The following CHRM5 variants were observed in gnomAD, a reference collection of about 807,000 sequenced individuals.
CHRM5 encodes the protein muscarinic acetylcholine receptor M5.
CHRM5 carries 18 observed loss-of-function variants against 39.0 expected under a neutral mutation model. That is an observed-to-expected ratio of 0.46 (90% CI 0.32 to 0.68). The LOEUF (loss-of-function observed/expected upper bound fraction) is 0.68. Ranked by LOEUF, CHRM5 falls within the 30% of genes least tolerant of loss-of-function variation. The probability of loss-of-function intolerance (pLI) is 0.04; values close to 1 mark genes in which losing one functional copy is unlikely to be tolerated. For synonymous variants in CHRM5, 241 were observed against 246.3 expected (o/e 0.98, Z 0.20); for missense variants, 515 against 651.1 (o/e 0.79, Z 2.28).
chr15:34,024,123 G>A (rs547377091), intron 1 of CHRM5, among the ~76,000 whole-genome samples: 2 of 151,336 alleles, frequency 1.3e-5, no homozygotes, highest in Admixed American at 6.6e-5. Context: ...AATATCTACT[G>A]AGAGCTGATA....
chr15:34,018,577 T>C (rs144972930), intron 1 of CHRM5: 4,450 of 152,442 alleles, frequency 0.029, 174 homozygotes, highest in African/African-American at 0.081. Context: ...TGGTGAGTGT[T>C]ACAGCTCATA....
At chr15:33,980,155 G>C (rs747749166) in intron 1 of CHRM5, among the ~76,000 whole-genome samples, 1 of 152,146 alleles carries the variant, frequency 6.6e-6, no homozygotes, top group African/African-American at 2.4e-5. Flanking sequence ...TAGGTACAAG[G>C]AACCTAAACA....
rs181145310 is a variant in CHRM5 at position 34,054,454 on chromosome 15, T to C, written c.-76+7583T>C. Reference sequence around the variant, plus strand: ...AAATGCCCATCAACAATAGACTGGATAAAAAATGTGGTACAGATACACCAT... The same window carrying C: ...AAATGCCCATCAACAATAGACTGGACAAAAAATGTGGTACAGATACACCAT... On this transcript the variant is annotated intron_variant, in intron 2 of 2. Transcript: ENST00000383263. Among the ~76,000 whole-genome samples the C allele has an allele frequency of 3.4e-3, 521 of 152,056 alleles. 4 individuals are homozygous for C. The highest frequency in any genetic ancestry group is 0.012 in the African/African-American group (485 of 41,468).
chr15:33,973,328 T>C (rs895998297), intron 1 of CHRM5, among the ~76,000 whole-genome samples: 1 of 152,230 alleles, frequency 6.6e-6, no homozygotes, highest in African/African-American at 2.4e-5. Flanking sequence ...TACAGTAACC[T>C]AGAAAGCTGT....
At chr15:34,024,977 T>C (rs1173430354) in intron 1 of CHRM5, among the ~76,000 whole-genome samples, 2 of 151,818 alleles carry the variant, frequency 1.3e-5, no homozygotes, top group Non-Finnish European at 2.9e-5. Context: ...GAGGTCAGGA[T>C]TTTGAGACCA....
At chr15:34,060,296 T>C (rs1597394150) in intron 2 of CHRM5, among the ~76,000 whole-genome samples, 1 of 152,190 alleles carries the variant, frequency 6.6e-6, no homozygotes, top group East Asian at 1.9e-4. Context: ...TTAGACTGCA[T>C]GTGTTTGGGA....
chr15:33,987,242 T>C (rs1434544501), intron 1 of CHRM5, among the ~76,000 whole-genome samples: 2 of 152,254 alleles, frequency 1.3e-5, no homozygotes, highest in African/African-American at 4.8e-5. Context: ...ATCCCATATG[T>C]GCTTTATTCT....
intron 1 of CHRM5, among the ~76,000 whole-genome samples, chr15:34,005,046 C>A (rs1035594552): frequency 6.6e-6 from 1 of 151,964 alleles, no homozygotes; most frequent in Non-Finnish European, 1.5e-5. Flanking sequence ...AAAAGACAAG[C>A]AAAACTAAAA....
At chr15:33,998,694 ATTC>A (rs1454986110) in intron 1 of CHRM5, among the ~76,000 whole-genome samples, 1 of 152,166 alleles carries the variant, frequency 6.6e-6, no homozygotes, top group Non-Finnish European at 1.5e-5. Flanking sequence ...TTAACAGTCA[ATTC>A]TTCATTGTCA....
chr15:34,031,709 G>A (rs151336717), intron 1 of CHRM5, among the ~76,000 whole-genome samples: 23 of 152,176 alleles, frequency 1.5e-4, no homozygotes, highest in Middle Eastern at 3.4e-3. Flanking sequence ...CAGCATCCTT[G>A]GCAGTGTTGT....
At chr15:34,047,268 G>A (rs1457612912) in intron 2 of CHRM5, among the ~76,000 whole-genome samples, 5 of 152,130 alleles carry the variant, frequency 3.3e-5, no homozygotes, top group African/African-American at 7.2e-5. Context: ...TAGTAGAGAC[G>A]GGGTTTCACC....
chr15:34,062,526 G>C (rs2140846093), intron 2 of CHRM5, 117 bp from the exon 3 acceptor site: 1 of 559,906 alleles, frequency 1.8e-6, no homozygotes, highest in African/African-American at 2.1e-5. Context: ...CTGCACTCCA[G>C]CCTGGGTGAC....
intron 2 of CHRM5, among the ~76,000 whole-genome samples, chr15:34,053,870 C>G (rs1392296352): frequency 3.3e-5 from 5 of 152,054 alleles, no homozygotes; most frequent in African/African-American, 1.2e-4. Flanking sequence ...GCAAAAGAAA[C>G]TATCATCAGA....
intron 1 of CHRM5, among the ~76,000 whole-genome samples, chr15:33,985,501 C>T (rs1323331881): frequency 6.8e-6 from 1 of 147,340 alleles, no homozygotes; most frequent in Non-Finnish European, 1.5e-5. Flanking sequence ...CCTCATCCCT[C>T]AGGGTTGCTT....
At chr15:34,017,291 C>G (rs941927985) in intron 1 of CHRM5, among the ~76,000 whole-genome samples, 1 of 152,060 alleles carries the variant, frequency 6.6e-6, no homozygotes, top group Non-Finnish European at 1.5e-5. Flanking sequence ...ACACCACCAC[C>G]CCATTTTAAA....
At chr15:33,986,345 G>A (rs973647809) in intron 1 of CHRM5, among the ~76,000 whole-genome samples, 3 of 151,888 alleles carry the variant, frequency 2.0e-5, no homozygotes, top group African/African-American at 4.8e-5. Context: ...TCCTGACCTC[G>A]TGATCCACCC....
intron 1 of CHRM5, among the ~76,000 whole-genome samples, chr15:34,046,063 C>G (rs1478589723): frequency 1.3e-5 from 2 of 152,120 alleles, no homozygotes; most frequent in Non-Finnish European, 2.9e-5. Flanking sequence ...GGGAAGAGCT[C>G]AAAAGGATCC....
intron 1 of CHRM5, among the ~76,000 whole-genome samples, chr15:33,988,444 C>G (rs995595573): frequency 1.3e-5 from 2 of 152,052 alleles, no homozygotes; most frequent in Admixed American, 1.3e-4. Flanking sequence ...ATAATGAAAC[C>G]TACCCTATTA....
At chr15:34,008,006 A>C (rs924645226) in intron 1 of CHRM5, among the ~76,000 whole-genome samples, 2 of 152,244 alleles carry the variant, frequency 1.3e-5, no homozygotes, top group Admixed American at 1.3e-4. Context: ...ATCTTTGATT[A>C]CATCTGCAAA....
Sources: gnomAD v4.1 joint callset for allele counts (sites outside exome capture counted in the v4.1 genomes callset) on GRCh38, gnomAD v4.1.1 for gene constraint, MANE v1.5 for transcripts, NCBI Gene and HGNC (gene_info 2026-07-23, HGNC 2026-07-21) for gene names.